NTRK3: variants seen among roughly 807,000 people sequenced by gnomAD.
NTRK3 encodes the protein neurotrophic receptor tyrosine kinase 3.
Under a neutral mutation model 91.7 loss-of-function variants are expected in NTRK3, and 24 were observed. That is an observed-to-expected ratio of 0.26 (90% CI 0.19 to 0.37). NTRK3 has a LOEUF of 0.37. NTRK3 is among the 10% of genes least tolerant of loss of function. The probability of loss-of-function intolerance (pLI) is 1.00; values close to 1 mark genes in which losing one functional copy is unlikely to be tolerated. For synonymous variants in NTRK3, 483 were observed against 404.0 expected, an observed-to-expected ratio of 1.20 and a Z score of -2.34; for missense variants, 880 against 1,068.9, an observed-to-expected ratio of 0.82 and a Z score of 2.46.
intron 3 of NTRK3, among the ~76,000 whole-genome samples, chr15:88,191,594 G>A (rs1235682290): frequency 6.6e-6 from 1 of 152,200 alleles, no homozygotes; most frequent in African/African-American, 2.4e-5. Flanking sequence ...CAGCATTGGA[G>A]CACACACACG....
chr15:88,079,344 C>A (rs537524430), intron 13 of NTRK3, among the ~76,000 whole-genome samples: 1 of 152,168 alleles, frequency 6.6e-6, no homozygotes, highest in Non-Finnish European at 1.5e-5. Flanking sequence ...CCTTCCCCAG[C>A]GCACCTGCCA....
chr15:87,884,892 G>A lies in NTRK3; in HGVS notation c.2134-4464C>T, dbSNP rs142454715. Among the ~76,000 whole-genome samples the A allele has an allele frequency of 2.8e-3, 426 of 151,726 alleles. 16 individuals carry two copies. The highest frequency in any genetic ancestry group is 0.023 in the Admixed American group (345 of 15,246). ...GAAAATACAAAGTATCTTCTATCACGAATTTTATGTGACATTTTTCAAGAG... is the reference window on the plus strand; with the variant it reads ...GAAAATACAAAGTATCTTCTATCACAAATTTTATGTGACATTTTTCAAGAG... On this transcript the variant is annotated intron_variant, in intron 17 of 18. Transcript: ENST00000394480.
At chr15:87,998,481 C>T (rs2075865356) in intron 14 of NTRK3, among the ~76,000 whole-genome samples, 1 of 152,230 alleles carries the variant, frequency 6.6e-6, no homozygotes, top group Admixed American at 6.5e-5. Context: ...TATACAGTGG[C>T]TGTTGTAGAG....
exon 19 of NTRK3, chr15:87,866,525 G>GTA (rs1360860134): frequency 5.9e-6 from 1 of 170,310 alleles, no homozygotes; most frequent in African/African-American, 2.4e-5. Context: ...ATTTTAATAT[G>GTA]TATATATATT....
chr15:87,916,986 G>A (rs1440078857), intron 17 of NTRK3, among the ~76,000 whole-genome samples: 1 of 152,128 alleles, frequency 6.6e-6, no homozygotes, highest in Non-Finnish European at 1.5e-5. Context: ...CTGGTCTCGA[G>A]CTCCTAACCT....
intron 13 of NTRK3, among the ~76,000 whole-genome samples, chr15:88,067,158 T>A (rs2046719912): frequency 6.6e-6 from 1 of 152,182 alleles, no homozygotes; most frequent in Admixed American, 6.5e-5. Context: ...ATCAGTTCCA[T>A]GCAACACGTG....
chr15:87,993,369 A>C (rs1036628570), intron 14 of NTRK3, among the ~76,000 whole-genome samples: 3 of 152,214 alleles, frequency 2.0e-5, no homozygotes, highest in Admixed American at 1.3e-4. Flanking sequence ...GGCCCTAAAA[A>C]ATCAAATAAT....
intron 14 of NTRK3, among the ~76,000 whole-genome samples, chr15:88,010,419 A>G (rs1413524231): frequency 2.6e-5 from 4 of 152,208 alleles, no homozygotes; most frequent in Non-Finnish European, 5.9e-5. Flanking sequence ...TAATGATTTA[A>G]GATATGAGTA....
At chr15:87,912,294 T>G (rs2141750097) in intron 17 of NTRK3, among the ~76,000 whole-genome samples, 1 of 152,340 alleles carries the variant, frequency 6.6e-6, no homozygotes, top group Middle Eastern at 3.4e-3. Context: ...AAGCTCACAC[T>G]TCTACTTAAC....
At chr15:87,962,388 G>A (rs2072383910) in intron 14 of NTRK3, among the ~76,000 whole-genome samples, 1 of 152,098 alleles carries the variant, frequency 6.6e-6, no homozygotes, top group African/African-American at 2.4e-5. Context: ...CTCACCCCTA[G>A]AAAGACACTA....
intron 17 of NTRK3, among the ~76,000 whole-genome samples, chr15:87,904,155 T>A (rs1473392450): frequency 3.6e-4 from 2 of 5,628 alleles, no homozygotes; most frequent in Admixed American, 2.2e-3. Context: ...ACAATAAGCA[T>A]TTTTTTTTTT....
intron 13 of NTRK3, among the ~76,000 whole-genome samples, chr15:88,037,388 C>G (rs2079165311): frequency 1.3e-5 from 2 of 152,048 alleles, no homozygotes; most frequent in South Asian, 4.2e-4. Flanking sequence ...AAGGTGAAAC[C>G]CAGTCAATAC....
intron 5 of NTRK3, among the ~76,000 whole-genome samples, chr15:88,181,880 C>G (rs978784702): frequency 6.6e-6 from 1 of 152,166 alleles, no homozygotes; most frequent in Non-Finnish European, 1.5e-5. Flanking sequence ...GGCTTTGTGA[C>G]CCTTGTATGA....
intron 14 of NTRK3, among the ~76,000 whole-genome samples, chr15:88,021,905 C>T (rs951671458): frequency 2.0e-5 from 3 of 152,154 alleles, no homozygotes; most frequent in African/African-American, 4.8e-5. Context: ...CATCAACTAC[C>T]GAGATTCCTG....
At position 88,255,757 on chromosome 15, in the gene NTRK3, C is replaced by G. The variant is rs1399822848; in HGVS notation, c.248+149G>C. ...TGGAATGCGCAGCCGGAGAGCATCT[C>G]CCGAGCCAGAGCGAGCCTGACGCGC... On this transcript the variant is annotated intron_variant, in intron 3 of 18. Coordinates refer to ENST00000394480, the Ensembl canonical transcript of NTRK3. This position sits in a 1 kb window ranked among gnomAD's most constrained non-coding sequence, Gnocchi z 4.3. 9.0e-6 allele frequency: 5 copies of G among 557,152 alleles called. No homozygotes were observed. The highest frequency in any genetic ancestry group is 2.0e-5 in the African/African-American group (1 of 49,552). The allele number at this position is 557,152 out of a possible 1,614,324, so 34.5% of individuals were successfully genotyped here. A position where few individuals can be genotyped will look rare whatever the true frequency, so the allele number is the denominator to read the frequency against.
intron 14 of NTRK3, among the ~76,000 whole-genome samples, chr15:88,015,310 A>G (rs1399800243): frequency 6.6e-6 from 1 of 152,168 alleles, no homozygotes; most frequent in Non-Finnish European, 1.5e-5. Flanking sequence ...TCAATAAGCT[A>G]TGCTATTTAA....
In NTRK3 at chr15:87,982,013, T is replaced by C. The variant is rs185143939; in HGVS notation, c.1586-41260A>G. 1.8e-3 allele frequency among the ~76,000 whole-genome samples: 269 copies of C among 152,180 alleles called. 1 individual carries two copies. The highest frequency in any genetic ancestry group is 6.3e-3 in the African/African-American group (260 of 41,534). On this transcript the variant is annotated intron_variant, in intron 14 of 18. Coordinates refer to ENST00000394480, the Ensembl canonical transcript of NTRK3. Reference sequence around the variant, plus strand: ...ATCATTGTAGCTTCTGAGGATGAAATCTCCTTTGGAGACCATGCAGCATTT... The same window carrying C: ...ATCATTGTAGCTTCTGAGGATGAAACCTCCTTTGGAGACCATGCAGCATTT...
At chr15:88,006,400 C>T (rs951085241) in intron 14 of NTRK3, among the ~76,000 whole-genome samples, 10 of 152,186 alleles carry the variant, frequency 6.6e-5, no homozygotes, top group Admixed American at 4.6e-4. Context: ...TCTCCTGAAG[C>T]ACCTGGTGCA....
chr15:87,881,406 CTTATTTATTTATTTAT>C lies in NTRK3; in HGVS notation c.2134-994_2134-979del, dbSNP rs61208268. 4.0e-5 allele frequency among the ~76,000 whole-genome samples: 6 copies of C among 149,150 alleles called. No individual in the cohort carries two copies. The South Asian group carries it at 8.5e-4, about 21-fold the overall frequency. On this transcript the variant is annotated intron_variant, in intron 17 of 18. Coordinates refer to ENST00000394480, the Ensembl canonical transcript of NTRK3. ...ACTTAAAGTTCTCATTTCCTTCTTT[CTTATTTATTTATTTAT>C]TTATTTATTTATTTTGAGACGGAGT... is the stretch of plus-strand genomic sequence containing the variant.
Sources: gnomAD v4.1 joint callset for allele counts (sites outside exome capture counted in the v4.1 genomes callset) on GRCh38, gnomAD v4.1.1 for gene constraint, Gnocchi (gnomAD v3.1) non-coding constraint, MANE v1.5 for transcripts, NCBI Gene and HGNC (gene_info 2026-07-23, HGNC 2026-07-21) for gene names.